Variants in WRAP73 observed in about 807,000 individuals in gnomAD.
The protein encoded by WRAP73 is WD repeat containing, antisense to TP73.
WRAP73 carries 55 observed loss-of-function variants against 59.6 expected under a neutral mutation model. The observed-to-expected ratio is 0.92, with a 90% CI of 0.74 to 1.15. The LOEUF (loss-of-function observed/expected upper bound fraction) is 1.15. Ranked by LOEUF, WRAP73 falls within the 50% of genes most tolerant of loss-of-function variation. The pLI, the probability that WRAP73 is intolerant of heterozygous loss-of-function variation, is 0.00. For missense variants in WRAP73, 592 were observed against 608.1 expected, an observed-to-expected ratio of 0.97 and a Z score of 0.28; for synonymous variants, 265 against 258.2, an observed-to-expected ratio of 1.03 and a Z score of -0.25.
rs747083746 is a variant in WRAP73, at chr1:3,632,351, C to G, written c.923-13G>C. ...GAGGCGATCTCATCTAGAACACCAA[C>G]AGGAAGAACACGCCATTGTCACCCT... is the stretch of plus-strand genomic sequence containing the variant. On this transcript the variant is annotated splice_polypyrimidine_tract_variant and intron_variant, in intron 9 of 11. Transcript: ENST00000270708. 9.9e-6 allele frequency: 16 copies of G among 1,613,942 alleles called. No individual in the cohort carries two copies. The highest frequency in any genetic ancestry group is 1.7e-5 in the Admixed American group (1 of 60,004).
In WRAP73 at chr1:3,647,451, G is replaced by A. The variant is rs1206304069; in HGVS notation, c.179C>T (p.Ser60Leu). Reference sequence around the variant, plus strand: ...GTACATGGCGCACAGGATGAAGAGCGAGTCTGCCGACCACTCGATGTGCTG... The same window carrying A: ...GTACATGGCGCACAGGATGAAGAGCAAGTCTGCCGACCACTCGATGTGCTG... ...QIQHIEWSAD[S>L]LFILCAMYKR... The change falls in exon 2 of 12, where the codon TCG becomes TTG. Residue 60 changes from serine to leucine, a missense_variant. Ser to Leu is a moderately radical substitution (Grantham distance 145). Coordinates refer to ENST00000270708, the MANE Select transcript of WRAP73 (RefSeq NM_017818.4). The A allele has an allele frequency of 1.9e-6, 3 of 1,613,886 alleles. No individual in the cohort carries two copies. Among genetic ancestry groups the A allele is most frequent in the African/African-American group, 1.3e-5 (1 of 75,032 alleles).
At chr1:3,649,807 GTCCGGGCACCGCACCTGCAGGA>G in intron 1 of WRAP73, 102 bp downstream of exon 1, 1 of 1,058,864 alleles carries the variant, frequency 9.4e-7, no homozygotes, top group South Asian at 1.6e-5. Context: ...CCCCGCACCT[GTCCGGGCACCGCACCTGCAGGA>G]TCCCCAAGCT....
intron 9 of WRAP73, chr1:3,632,956 T>C (rs779594147): frequency 1.7e-5 from 4 of 230,056 alleles, no homozygotes; most frequent in Non-Finnish European, 3.5e-5. Flanking sequence ...GCTTTTACTA[T>C]GCCCATTTCA....
chr1:3,638,883 C>T, intron 3 of WRAP73, 61 bp from the exon 4 acceptor site: 1 of 1,592,098 alleles, frequency 6.3e-7, no homozygotes, highest in Non-Finnish European at 8.6e-7. Flanking sequence ...GAGACCGTCT[C>T]AATCCTCAAC....
At chr1:3,640,477 GGTGGAACACCC>G (rs1375395571) in intron 3 of WRAP73, among the ~76,000 whole-genome samples, 1 of 145,202 alleles carries the variant, frequency 6.9e-6, no homozygotes, top group African/African-American at 2.6e-5. Flanking sequence ...AGCAGGGCAG[GGTGGAACACCC>G]GAGGCTCTGA....
chr1:3,642,002 C>T (rs979396950), intron 3 of WRAP73, among the ~76,000 whole-genome samples: 2 of 152,212 alleles, frequency 1.3e-5, no homozygotes, highest in African/African-American at 2.4e-5. Context: ...TGTGCCACCG[C>T]GGAATCATGG....
intron 8 of WRAP73, 24 bp downstream of exon 8, chr1:3,634,973 C>A: frequency 6.2e-7 from 1 of 1,613,804 alleles, no homozygotes. Flanking sequence ...CCTGCTCAGG[C>A]AGAAACACGT....
At chr1:3,637,173 A>C (rs2101959996) in intron 4 of WRAP73, 75 bp from the exon 5 acceptor site, 1 of 1,273,862 alleles carries the variant, frequency 7.9e-7, no homozygotes. Flanking sequence ...AGTAATTCAC[A>C]AGGAAGGAGG....
Position 3,631,053 on chromosome 1 carries a change from C to G in WRAP73, c.1305G>C (p.Lys435Asn). 6.2e-7 allele frequency: 1 copy of G among 1,613,228 alleles called. No homozygotes were observed. Among genetic ancestry groups the G allele is most frequent in the Non-Finnish European group, 8.5e-7 (1 of 1,179,990 alleles). Residue 435 changes from lysine to asparagine, a missense_variant, in exon 12 of 12, where the codon AAG becomes AAC. By Grantham distance (94) the Lys-to-Asn change is moderately conservative. Coordinates refer to ENST00000270708, the MANE Select transcript of WRAP73 (RefSeq NM_017818.4). Reference protein sequence around the residue: ...LSGDSMALLSKDHFCLCFLET... With the variant: ...LSGDSMALLSNDHFCLCFLET... The stretch of plus-strand genomic sequence containing the variant: ...CCAGGAAGCAGAGGCAGAAGTGATC[C>G]TTGCTGAGGAGGGCCATCGAGTCTC...
intron 6 of WRAP73, 66 bp from the exon 7 acceptor site, chr1:3,635,360 G>C: frequency 6.3e-7 from 1 of 1,594,506 alleles, no homozygotes; most frequent in Non-Finnish European, 8.6e-7. Flanking sequence ...CCACAGACGC[G>C]GGTGCTGCAG....
chr1:3,632,636 A>G (rs1463380525), intron 9 of WRAP73: 2 of 431,908 alleles, frequency 4.6e-6, no homozygotes, highest in Non-Finnish European at 8.7e-6. Context: ...CCTAGCTGCA[A>G]TCTCAGCAGC....
intron 10 of WRAP73, 141 bp from the exon 11 acceptor site, chr1:3,631,798 G>A: frequency 2.1e-6 from 3 of 1,438,418 alleles, no homozygotes; most frequent in South Asian, 1.5e-5. Flanking sequence ...TGCAGTCTGG[G>A]TTCAGTTGGG....
In WRAP73 at chr1:3,638,784, C is replaced by A. The variant is rs761834382; in HGVS notation, c.378G>T (p.Val126=). The stretch of plus-strand genomic sequence containing the variant: ...AAGCTTTCGGGTATTTGATGTAAGA[C>A]ACGGATTTTGTGCACAAGGACCAGA... ...ITVWSLCTKS[V]SYIKYPKACL... The change falls in exon 4 of 12, where the codon GTG becomes GTT. Residue 126 remains valine (V), a synonymous_variant. Transcript: ENST00000270708. 23 of 1,614,164 alleles carry A rather than the reference C, an allele frequency of 1.4e-5. No homozygotes were observed. Among genetic ancestry groups the A allele is most frequent in the Non-Finnish European group, 1.9e-5 (23 of 1,180,016 alleles).
Position 3,634,858 on chromosome 1 carries a change from A to T in WRAP73, c.816+139T>A, listed in dbSNP as rs1047782269. The stretch of plus-strand genomic sequence containing the variant: ...GCCAGGGCAGGGCCAGACGCGTGAA[A>T]TGTCACAGTAGCAAGTTTACGGTGA... On this transcript the variant is annotated intron_variant, in intron 8 of 11. Transcript: ENST00000270708. 4 of 1,031,008 alleles carry T rather than the reference A, an allele frequency of 3.9e-6. No individual in the cohort carries two copies. In the African/African-American group the frequency reaches 6.2e-5, roughly 16 times the overall value. The allele number at this position is 1,031,008 out of a possible 1,614,324, so 63.9% of individuals were successfully genotyped here.
intron 10 of WRAP73, chr1:3,631,887 T>C (rs74048690): frequency 1.1e-5 from 9 of 810,476 alleles, no homozygotes; most frequent in Non-Finnish European, 1.5e-5. Context: ...TCTTTGGTAT[T>C]TTTTTTTTTT....
chr1:3,630,938 G>C lies in WRAP73; in HGVS notation c.*37C>G. On this transcript the variant is annotated 3_prime_UTR_variant, in exon 12 of 12. Coordinates refer to ENST00000270708, the MANE Select transcript of WRAP73 (RefSeq NM_017818.4). ...TGTTTTTTCCCACACTGGAAACACA[G>C]AGTAGCCCTGTTTCTGCACACGTTA... The C allele has an allele frequency of 6.3e-7, 1 of 1,597,166 alleles. No individual in the cohort carries two copies. The highest frequency in any genetic ancestry group is 8.6e-7 in the Non-Finnish European group (1 of 1,169,312).
rs141745167 is a variant in WRAP73, at chr1:3,633,426, G to A, written c.894C>T (p.Ala298=). The A allele has an allele frequency of 5.6e-5, 90 of 1,612,430 alleles. No individual in the cohort carries two copies. The African/African-American group carries it at 9.1e-4, about 16-fold the overall frequency. Residue 298 remains alanine (A), a synonymous_variant, in exon 9 of 12, where the codon GCC becomes GCT. Transcript: ENST00000270708. The stretch of plus-strand genomic sequence containing the variant: ...TACTCTCTGAGCTCGGGAGAGGGCC[G>A]GCCCCGGCCCGGGGCGGCGGGAAGG... ...CLSFPPPRAG[A]GPLPSSESKY...
At chr1:3,647,249 A>T in intron 2 of WRAP73, 159 bp downstream of exon 2, 2 of 794,752 alleles carry the variant, frequency 2.5e-6, no homozygotes, top group Non-Finnish European at 3.7e-6. Flanking sequence ...TCCTTAGTTT[A>T]AATGTTCTTA....
intron 11 of WRAP73, 132 bp downstream of exon 11, chr1:3,631,334 C>T (rs1284437029): frequency 1.0e-5 from 14 of 1,346,306 alleles, no homozygotes; most frequent in Middle Eastern, 1.9e-4. Flanking sequence ...TTGAGGTTTA[C>T]GCAAAGACTC....
Sources: allele counts gnomAD v4.1 joint callset (sites outside exome capture counted in the v4.1 genomes callset), GRCh38; gene constraint gnomAD v4.1.1; transcripts MANE v1.5; gene names NCBI Gene and HGNC (gene_info 2026-07-23, HGNC 2026-07-21).